SLC25A37: variants seen among roughly 807,000 people sequenced by gnomAD.
SLC25A37 encodes solute carrier family 25 member 37, also known as mitoferrin-1.
SLC25A37 carries 17 observed loss-of-function variants against 31.0 expected under a neutral mutation model. The ratio of observed to expected loss-of-function variants is 0.55; its 90% CI spans 0.38 to 0.82. The LOEUF (loss-of-function observed/expected upper bound fraction) is 0.82. SLC25A37 is among the 40% of genes least tolerant of loss of function. The pLI is 0.00. For synonymous variants in SLC25A37, 222 were observed against 193.0 expected (o/e 1.15, Z -1.24); for missense variants, 404 against 465.8 (o/e 0.87, Z 1.22).
At chr8:23,547,019 A>G (rs1418670191) in intron 1 of SLC25A37, among the ~76,000 whole-genome samples, 3 of 152,124 alleles carry the variant, frequency 2.0e-5, no homozygotes, top group Non-Finnish European at 4.4e-5. Flanking sequence ...CTGGCCTTGG[A>G]TAAGAACTCT....
intron 1 of SLC25A37, among the ~76,000 whole-genome samples, chr8:23,556,037 C>G (rs1385376512): frequency 2.0e-5 from 3 of 152,124 alleles, no homozygotes; most frequent in African/African-American, 7.2e-5. Flanking sequence ...GTAGTTTTCA[C>G]CAGAGACTTT....
At chr8:23,557,305 C>T (rs1012490489) in intron 1 of SLC25A37, among the ~76,000 whole-genome samples, 3 of 152,008 alleles carry the variant, frequency 2.0e-5, no homozygotes, top group East Asian at 1.9e-4. Flanking sequence ...TGGTTTTGGA[C>T]GGGTAGTGCC....
At chr8:23,543,811 C>T (rs567056472) in intron 1 of SLC25A37, among the ~76,000 whole-genome samples, 2 of 151,158 alleles carry the variant, frequency 1.3e-5, no homozygotes, top group Non-Finnish European at 2.9e-5. Flanking sequence ...GCTGGGATTA[C>T]AGGCGTGAGC....
At position 23,568,293 on chromosome 8, in the gene SLC25A37, A is replaced by G. The variant is rs1165851161; in HGVS notation, c.440-29A>G. 9 of 1,613,028 alleles carry G rather than the reference A, an allele frequency of 5.6e-6. No homozygotes were observed. The South Asian group carries it at 9.9e-5, about 18-fold the overall frequency. On this transcript the variant is annotated intron_variant, in intron 2 of 3. Transcript: ENST00000519973. ...ACTTCCTGAGAACACCCGATCGCAG[A>G]GGGTAATTTTCTGGAGTTTGTTTTG... is the stretch of plus-strand genomic sequence containing the variant.
At chr8:23,550,739 A>G (rs1014826123) in intron 1 of SLC25A37, among the ~76,000 whole-genome samples, 2 of 152,236 alleles carry the variant, frequency 1.3e-5, no homozygotes, top group African/African-American at 4.8e-5. Flanking sequence ...ACCTAGGTGT[A>G]CAGTTTGGGG....
chr8:23,560,679 G>A (rs1000673851), intron 1 of SLC25A37, among the ~76,000 whole-genome samples: 3 of 152,178 alleles, frequency 2.0e-5, no homozygotes, highest in Non-Finnish European at 4.4e-5. Flanking sequence ...CTCTGTCTGG[G>A]GCTTGTGTCA....
intron 1 of SLC25A37, among the ~76,000 whole-genome samples, chr8:23,548,618 ACAC>A (rs1802136807): frequency 6.6e-6 from 1 of 151,600 alleles, no homozygotes; most frequent in South Asian, 2.1e-4. Context: ...TTACAGGCAT[ACAC>A]CACCACACCC....
Position 23,566,210 on chromosome 8 carries a change from C to T in SLC25A37, c.313C>T (p.Arg105Ter), listed in dbSNP as rs1258502035. ...GACCGAAGGCTTCTGGAGGCCCTTGCGAGGCGTCAACGTCATGATCATGGG... is the reference window on the plus strand; with the variant it reads ...GACCGAAGGCTTCTGGAGGCCCTTGTGAGGCGTCAACGTCATGATCATGGG... ...MRTEGFWRPL[R>*]GVNVMIMGAG... The change falls in exon 2 of 4, where the codon CGA becomes TGA. Residue 105 changes from arginine (R) to a stop codon, truncating the protein, a stop_gained. Coordinates refer to ENST00000519973, the MANE Select transcript of SLC25A37 (RefSeq NM_016612.4). LOFTEE classifies it high-confidence loss of function. The T allele has an allele frequency of 8.1e-6, 13 of 1,603,688 alleles. No homozygotes were observed. Among genetic ancestry groups the T allele is most frequent in the Non-Finnish European group, 1.0e-5 (12 of 1,176,456 alleles).
chr8:23,563,763 C>T (rs1235035831), intron 1 of SLC25A37, among the ~76,000 whole-genome samples: 3 of 152,108 alleles, frequency 2.0e-5, no homozygotes, highest in Admixed American at 6.6e-5. Flanking sequence ...AAGTGGATCT[C>T]GAGGTCACGA....
chr8:23,548,496 T>C (rs1202401196), intron 1 of SLC25A37, among the ~76,000 whole-genome samples: 2 of 148,272 alleles, frequency 1.3e-5, no homozygotes, highest in Non-Finnish European at 3.0e-5. Context: ...TTTTTTTTTT[T>C]AGACTTGTTG....
chr8:23,552,483 C>A (rs990920137), intron 1 of SLC25A37, among the ~76,000 whole-genome samples: 19 of 152,250 alleles, frequency 1.2e-4, no homozygotes, highest in African/African-American at 4.6e-4. Flanking sequence ...GGTAGAAGCT[C>A]TCTATATAAT....
intron 1 of SLC25A37, among the ~76,000 whole-genome samples, chr8:23,544,320 A>G (rs1202682954): frequency 6.6e-6 from 1 of 152,140 alleles, no homozygotes; most frequent in Non-Finnish European, 1.5e-5. Flanking sequence ...ATCCCCTCTC[A>G]ATTTGTGTAA....
chr8:23,566,992 G>A (rs369425082), intron 2 of SLC25A37: 162 of 241,886 alleles, frequency 6.7e-4, no homozygotes, highest in East Asian at 9.0e-4. Flanking sequence ...GAGGCGGGGT[G>A]GGGGGGTGCA....
Position 23,571,333 on chromosome 8 carries a change from A to C in SLC25A37, c.497-2A>C. The C allele has an allele frequency of 6.4e-7, 1 of 1,569,000 alleles. No individual in the cohort carries two copies. The highest frequency in any genetic ancestry group is 8.6e-7 in the Non-Finnish European group (1 of 1,156,494). On this transcript the variant is annotated splice_acceptor_variant, in intron 3 of 3. Coordinates refer to ENST00000519973, the MANE Select transcript of SLC25A37 (RefSeq NM_016612.4). LOFTEE classifies it high-confidence loss of function. ...TGGCCTGCCCCGCGGTTCCAACCAC[A>C]GTGGTGAAGCAGCGCTTGCAGATGT...
At chr8:23,549,480 T>C (rs139483158) in intron 1 of SLC25A37, among the ~76,000 whole-genome samples, 6 of 152,320 alleles carry the variant, frequency 3.9e-5, no homozygotes, top group Admixed American at 1.3e-4. Context: ...TTGTACCTAT[T>C]GTCTAGCATA....
intron 1 of SLC25A37, among the ~76,000 whole-genome samples, chr8:23,542,760 C>T (rs938680857): frequency 1.4e-5 from 2 of 147,924 alleles, no homozygotes; most frequent in Non-Finnish European, 3.0e-5. Context: ...GAAGGCATTG[C>T]GATCACAGGA....
chr8:23,566,410 T>C, intron 2 of SLC25A37, 74 bp downstream of exon 2: 3 of 1,527,368 alleles, frequency 2.0e-6, no homozygotes, highest in Non-Finnish European at 2.6e-6. Flanking sequence ...TGTTCCTCCC[T>C]GTGACCCAGC....
At chr8:23,545,800 A>T (rs531988897) in intron 1 of SLC25A37, among the ~76,000 whole-genome samples, 2 of 151,658 alleles carry the variant, frequency 1.3e-5, no homozygotes, top group African/African-American at 4.8e-5. Context: ...GCAGTTCGAG[A>T]CCAGCCTTGG....
chr8:23,565,587 C>G (rs759820645), intron 1 of SLC25A37, among the ~76,000 whole-genome samples: 1 of 152,058 alleles, frequency 6.6e-6, no homozygotes, highest in Non-Finnish European at 1.5e-5. Context: ...CAAGTGAGGG[C>G]TGGAGGATTT....
Sources: allele counts gnomAD v4.1 joint callset (sites outside exome capture counted in the v4.1 genomes callset), GRCh38; gene constraint gnomAD v4.1.1; transcripts MANE v1.5; gene names NCBI Gene and HGNC (gene_info 2026-07-23, HGNC 2026-07-21).